The following DAB1 variants were observed in gnomAD, a reference collection of about 807,000 sequenced individuals.
DAB1 encodes DAB adaptor protein 1, also known as disabled homolog 1.
A neutral mutation model predicts 64.6 loss-of-function variants in DAB1; 15 were observed. The observed-to-expected ratio is 0.23, with a 90% CI of 0.16 to 0.36. The LOEUF (loss-of-function observed/expected upper bound fraction) is 0.36. Ranked by LOEUF, DAB1 falls within the 10% of genes least tolerant of loss-of-function variation. DAB1 has a pLI of 1.00. For synonymous variants in DAB1, 235 were observed against 251.9 expected (o/e 0.93, Z 0.64); for missense variants, 596 against 706.7 (o/e 0.84, Z 1.78).
At chr1:57,514,814 C>T (rs1435493604) in intron 7 of DAB1, among the ~76,000 whole-genome samples, 3 of 152,188 alleles carry the variant, frequency 2.0e-5, no homozygotes, top group African/African-American at 7.2e-5. Context: ...GGGCAAGGAA[C>T]CTCACCTGTC....
At chr1:58,161,620 T>C (rs1261467441) in intron 4 of DAB1, among the ~76,000 whole-genome samples, 1 of 152,158 alleles carries the variant, frequency 6.6e-6, no homozygotes, top group Non-Finnish European at 1.5e-5. Context: ...TTAAAAGATA[T>C]AGATACATGT....
At chr1:57,375,012 T>C (rs1240442) in intron 1 of DAB1, among the ~76,000 whole-genome samples, 82,666 of 151,866 alleles carry the variant, frequency 0.54, 23,544 homozygotes, top group African/African-American at 0.66. Flanking sequence ...AGTTCCAGAA[T>C]CACAAATCAT....
chr1:57,101,230 G>T (rs931667085), intron 4 of DAB1, among the ~76,000 whole-genome samples: 14 of 152,170 alleles, frequency 9.2e-5, no homozygotes, highest in Non-Finnish European at 1.8e-4. Context: ...ACCAACAGAG[G>T]CAATCCTTTT....
At chr1:57,405,399 T>C (rs1468717281) in intron 1 of DAB1, among the ~76,000 whole-genome samples, 1 of 152,216 alleles carries the variant, frequency 6.6e-6, no homozygotes, top group Non-Finnish European at 1.5e-5. Context: ...TACCCCTTGG[T>C]ATATTGACTG....
chr1:57,071,939 A>G (rs1651504794), intron 5 of DAB1, among the ~76,000 whole-genome samples: 1 of 151,910 alleles, frequency 6.6e-6, no homozygotes, highest in South Asian at 2.1e-4. Context: ...CAAAACAGCT[A>G]TTTGTTTTCT....
intron 6 of DAB1, among the ~76,000 whole-genome samples, chr1:57,728,818 T>A (rs1647290527): frequency 6.6e-6 from 1 of 152,228 alleles, no homozygotes; most frequent in South Asian, 2.1e-4. Flanking sequence ...TCATACCTCA[T>A]CTTCCACATC....
intron 5 of DAB1, among the ~76,000 whole-genome samples, chr1:57,984,078 C>T (rs957988443): frequency 8.0e-5 from 12 of 149,342 alleles, no homozygotes; most frequent in South Asian, 4.4e-4. Context: ...AAGGCAGCCC[C>T]GCTCCAGTAA....
intron 4 of DAB1, among the ~76,000 whole-genome samples, chr1:57,087,066 G>A (rs1037351665): frequency 7.2e-5 from 11 of 152,200 alleles, no homozygotes; most frequent in African/African-American, 2.4e-4. Flanking sequence ...GGATCTGAGA[G>A]GGCCAGCAAG....
In DAB1 at chr1:58,436,093, A is replaced by G. The variant is rs554026708; in HGVS notation, n.257+69967T>C. Among the ~76,000 whole-genome samples the G allele has an allele frequency of 2.4e-4, 37 of 152,276 alleles. 1 individual carries two copies. The highest frequency in any genetic ancestry group is 6.3e-4 in the African/African-American group (26 of 41,538). ...TGGTGAAAAACACAGAAACTTTAAAATACAACTGGCCAAGATTTGAAGCCA... is the reference window on the plus strand; with the variant it reads ...TGGTGAAAAACACAGAAACTTTAAAGTACAACTGGCCAAGATTTGAAGCCA... On this transcript the variant is annotated intron_variant and non_coding_transcript_variant, in intron 3 of 20. Coordinates refer to the DAB1 transcript ENST00000485760.
Position 58,492,327 on chromosome 1 carries a change from T to C in DAB1, n.257+13733A>G, listed in dbSNP as rs574514529. 9.5e-4 allele frequency among the ~76,000 whole-genome samples: 144 copies of C among 151,968 alleles called. 1 individual carries two copies. Among genetic ancestry groups the C allele is most frequent in the African/African-American group, 3.3e-3 (137 of 41,436 alleles). Reference sequence around the variant, plus strand: ...AAAGAAAGCAGGAAAGATCTAAAATTGACACCCTAACATCACAATTAAAAG... The same window carrying C: ...AAAGAAAGCAGGAAAGATCTAAAATCGACACCCTAACATCACAATTAAAAG... On this transcript the variant is annotated intron_variant and non_coding_transcript_variant, in intron 3 of 20. Transcript: ENST00000485760.
rs751612243 is a variant in DAB1 at position 58,539,011 on chromosome 1, C to G, written n.32+7692G>C. The G allele has an allele frequency of 1.3e-5, 11 of 872,718 alleles. No individual in the cohort carries two copies. In the Admixed American group the frequency reaches 1.5e-4, roughly 12 times the overall value. The allele number at this position is 872,718 out of a possible 1,614,324, so 54.1% of individuals were successfully genotyped here. A position where few individuals can be genotyped will look rare whatever the true frequency, so the allele number is the denominator to read the frequency against. ...AGCATCATTCCATACAGTACATTTG[C>G]TGGTAATCCTCCAAATTTCCTTACT... On this transcript the variant is annotated intron_variant and non_coding_transcript_variant, in intron 1 of 20. Transcript: ENST00000485760.
chr1:57,257,454 C>T (rs1669851138), intron 2 of DAB1, among the ~76,000 whole-genome samples: 2 of 152,160 alleles, frequency 1.3e-5, no homozygotes, highest in Non-Finnish European at 1.5e-5. Flanking sequence ...TCTTTTACAT[C>T]CTCCCAATAA....
intron 9 of DAB1, among the ~76,000 whole-genome samples, chr1:57,048,970 T>G (rs913311993): frequency 3.3e-5 from 5 of 152,184 alleles, no homozygotes; most frequent in African/African-American, 1.2e-4. Context: ...AGTTTCAGAT[T>G]TAACAGCGAG....
intron 1 of DAB1, among the ~76,000 whole-genome samples, chr1:57,409,585 C>T (rs180844320): frequency 6.6e-6 from 1 of 152,044 alleles, no homozygotes; most frequent in Admixed American, 6.6e-5. Context: ...CCGAGGTGGG[C>T]GGATCATGAG....
At chr1:58,427,379 T>C (rs1027095054) in intron 3 of DAB1, among the ~76,000 whole-genome samples, 4 of 152,222 alleles carry the variant, frequency 2.6e-5, no homozygotes, top group African/African-American at 9.6e-5. Context: ...CTTAAGAGTT[T>C]TATGATATGG....
intron 2 of DAB1, among the ~76,000 whole-genome samples, chr1:57,201,469 C>A (rs1665091987): frequency 6.6e-6 from 1 of 151,960 alleles, no homozygotes. Flanking sequence ...CACCCTTAAC[C>A]AATTTATTCC....
chr1:57,339,527 C>T (rs151027873), intron 1 of DAB1, among the ~76,000 whole-genome samples: 59 of 152,332 alleles, frequency 3.9e-4, no homozygotes, highest in African/African-American at 1.3e-3. Flanking sequence ...ATTCCTATCA[C>T]TAAATTGCTA....
intron 3 of DAB1, among the ~76,000 whole-genome samples, chr1:58,383,417 A>G (rs1644406882): frequency 1.3e-5 from 2 of 152,314 alleles, no homozygotes; most frequent in South Asian, 4.1e-4. Context: ...GTTGATTTTT[A>G]ATATATCTTA....
At chr1:57,106,963 G>A (rs1486529107) in intron 4 of DAB1, among the ~76,000 whole-genome samples, 1 of 152,148 alleles carries the variant, frequency 6.6e-6, no homozygotes, top group Non-Finnish European at 1.5e-5. Context: ...TCTACAGATA[G>A]GTGGTCAGGT....
Sources: allele counts gnomAD v4.1 joint callset (sites outside exome capture counted in the v4.1 genomes callset), GRCh38; gene constraint gnomAD v4.1.1; transcripts MANE v1.5; gene names NCBI Gene and HGNC (gene_info 2026-07-23, HGNC 2026-07-21).